The following GALNT2 variants were observed in gnomAD, a reference collection of about 807,000 sequenced individuals.
The protein encoded by GALNT2 is polypeptide N-acetylgalactosaminyltransferase 2.
Under a neutral mutation model 81.4 loss-of-function variants are expected in GALNT2, and 31 were observed. That is an observed-to-expected ratio of 0.38 (90% confidence interval 0.29 to 0.51). The LOEUF is 0.51. Ranked by LOEUF, GALNT2 falls within the 20% of genes least tolerant of loss-of-function variation. The pLI, the probability that GALNT2 is intolerant of heterozygous loss-of-function variation, is 0.87. For synonymous variants in GALNT2, 303 were observed against 287.4 expected (o/e 1.05, Z -0.55); for missense variants, 629 against 765.7 (o/e 0.82, Z 2.11).
chr1:230,274,349 G>A lies in GALNT2; in HGVS notation c.1441-96G>A, dbSNP rs756593160. The A allele has an allele frequency of 8.7e-5, 130 of 1,495,124 alleles. No homozygotes were observed. In the Middle Eastern group the frequency reaches 1.0e-3, roughly 11 times the overall value. 92.6% of individuals were successfully genotyped at this position (1,495,124 alleles called of 1,614,324 possible). ...GGGTTCTGAATCTAAGCTCCACCCC[G>A]TGACCCATTTCCTTTTTGAGCCCTC... On this transcript the variant is annotated intron_variant, in intron 14 of 15. Transcript: ENST00000366672.
At chr1:230,256,726 A>G (rs999906305) in intron 11 of GALNT2, among the ~76,000 whole-genome samples, 3 of 152,210 alleles carry the variant, frequency 2.0e-5, no homozygotes, top group South Asian at 2.1e-4. Flanking sequence ...ATTCTCTTAC[A>G]TGCTAAAGAT....
chr1:230,075,015 A>G (rs1454890969), intron 1 of GALNT2, among the ~76,000 whole-genome samples: 1 of 151,058 alleles, frequency 6.6e-6, no homozygotes, highest in East Asian at 1.9e-4. Context: ...CCTTCCTTGC[A>G]TTGGCAGTGC....
chr1:230,073,256 T>G (rs1026215040), intron 1 of GALNT2, among the ~76,000 whole-genome samples: 2 of 152,224 alleles, frequency 1.3e-5, no homozygotes, highest in Non-Finnish European at 2.9e-5. Context: ...ACCTTGGCCC[T>G]GTGCTTGATC....
intron 1 of GALNT2, among the ~76,000 whole-genome samples, chr1:230,152,295 C>T (rs1022968570): frequency 6.6e-5 from 10 of 152,164 alleles, no homozygotes; most frequent in African/African-American, 1.7e-4. Flanking sequence ...AATCCCCAGT[C>T]GGGCTTGGAA....
chr1:230,138,784 G>A (rs1183511989), intron 1 of GALNT2, among the ~76,000 whole-genome samples: 3 of 152,152 alleles, frequency 2.0e-5, no homozygotes, highest in South Asian at 2.1e-4. Flanking sequence ...TGATGGGAGC[G>A]TCTTTTAGCT....
At chr1:230,076,321 A>G (rs1382269600) in intron 1 of GALNT2, among the ~76,000 whole-genome samples, 1 of 152,216 alleles carries the variant, frequency 6.6e-6, no homozygotes, top group Non-Finnish European at 1.5e-5. Flanking sequence ...ACCATTGAAG[A>G]ACAGTACACA....
intron 1 of GALNT2, among the ~76,000 whole-genome samples, chr1:230,068,862 G>A (rs1429899438): frequency 1.3e-5 from 2 of 152,300 alleles, no homozygotes; most frequent in Admixed American, 1.3e-4. Context: ...GTATATGTAC[G>A]CGAAGACTTG....
At chr1:230,171,923 C>G (rs1347354603) in intron 1 of GALNT2, among the ~76,000 whole-genome samples, 2 of 152,158 alleles carry the variant, frequency 1.3e-5, no homozygotes, top group Non-Finnish European at 2.9e-5. Context: ...CCCTGCCCCC[C>G]ACCCCTGTCC....
chr1:230,265,698 C>T (rs1205473612), intron 14 of GALNT2, among the ~76,000 whole-genome samples: 1 of 152,226 alleles, frequency 6.6e-6, no homozygotes, highest in Non-Finnish European at 1.5e-5. Flanking sequence ...CCGCAAAGCA[C>T]CCATTCTGCC....
Position 230,275,550 on chromosome 1 carries a change from A to C in GALNT2, c.1560+986A>C, listed in dbSNP as rs1666275125. On this transcript the variant is annotated intron_variant, in intron 15 of 15. Coordinates refer to ENST00000366672, the MANE Select transcript of GALNT2 (RefSeq NM_004481.5). The surrounding 1 kb of genome is among the most constrained non-coding windows in gnomAD (Gnocchi z 5.5). ...CATGCCACATAGATATACATATATA[A>C]ACGCCACATATATATACATATAAAC... Among the ~76,000 whole-genome samples, 1 of 151,574 alleles carries C rather than the reference A, an allele frequency of 6.6e-6. No homozygotes were observed. The highest frequency in any genetic ancestry group is 2.4e-5 in the African/African-American group (1 of 41,356).
chr1:230,182,602 C>T (rs1663194724), intron 2 of GALNT2, among the ~76,000 whole-genome samples: 1 of 152,204 alleles, frequency 6.6e-6, no homozygotes, highest in African/African-American at 2.4e-5. Flanking sequence ...AGCACACAGT[C>T]TGATTTCTGT....
chr1:230,184,722 C>T (rs1572060519), intron 2 of GALNT2, among the ~76,000 whole-genome samples: 1 of 151,830 alleles, frequency 6.6e-6, no homozygotes, highest in African/African-American at 2.4e-5. Context: ...TTTTTGGAGC[C>T]TTTATACTAT....
chr1:230,148,275 G>T (rs970809904), intron 1 of GALNT2, among the ~76,000 whole-genome samples: 3 of 152,214 alleles, frequency 2.0e-5, no homozygotes, highest in Non-Finnish European at 2.9e-5. Context: ...GAGCCCTGTG[G>T]CACTGCGTTA....
At chr1:230,132,254 G>T (rs1477761578) in intron 1 of GALNT2, among the ~76,000 whole-genome samples, 2 of 152,162 alleles carry the variant, frequency 1.3e-5, no homozygotes, top group Non-Finnish European at 2.9e-5. Context: ...TTCTGATTTG[G>T]TTTTCACTGC....
rs1434347678 is a variant in GALNT2 at position 230,070,610 on chromosome 1, C to G, written c.126+3204C>G. On this transcript the variant is annotated intron_variant, in intron 1 of 15. Coordinates refer to ENST00000366672, the MANE Select transcript of GALNT2 (RefSeq NM_004481.5). This position sits in a 1 kb window ranked among gnomAD's most constrained non-coding sequence, Gnocchi z 4.7. Reference sequence around the variant, plus strand: ...GTCCACTTTGCACAGTAGCATCACCCTTATTCCCTGAGCTGGCACGAGTCC... The same window carrying G: ...GTCCACTTTGCACAGTAGCATCACCGTTATTCCCTGAGCTGGCACGAGTCC... Among the ~76,000 whole-genome samples, 1 of 152,018 alleles carries G rather than the reference C, an allele frequency of 6.6e-6. No homozygotes were observed.
At chr1:230,255,439 G>T in intron 11 of GALNT2, 95 bp downstream of exon 11, 1 of 1,486,352 alleles carries the variant, frequency 6.7e-7, no homozygotes, top group South Asian at 1.2e-5. Context: ...ATGTCCTTCA[G>T]TGGGTGTGGT....
chr1:230,119,240 T>C (rs1660938822), intron 1 of GALNT2, among the ~76,000 whole-genome samples: 1 of 152,204 alleles, frequency 6.6e-6, no homozygotes, highest in Non-Finnish European at 1.5e-5. Flanking sequence ...CTGCTTTTGG[T>C]CATTTCATTG....
intron 3 of GALNT2, among the ~76,000 whole-genome samples, chr1:230,230,447 C>A (rs1053622496): frequency 6.6e-6 from 1 of 152,188 alleles, no homozygotes; most frequent in African/African-American, 2.4e-5. Flanking sequence ...CAAATGCCTG[C>A]TCATAGACAC....
intron 11 of GALNT2, among the ~76,000 whole-genome samples, chr1:230,261,095 T>C (rs899602062): frequency 6.6e-6 from 1 of 151,794 alleles, no homozygotes; most frequent in Non-Finnish European, 1.5e-5. Flanking sequence ...TTTTTTTTTT[T>C]TTTTGCTATT....
Sources: gnomAD v4.1 joint callset for allele counts (sites outside exome capture counted in the v4.1 genomes callset) on GRCh38, gnomAD v4.1.1 for gene constraint, Gnocchi (gnomAD v3.1) non-coding constraint, MANE v1.5 for transcripts, NCBI Gene and HGNC (gene_info 2026-07-23, HGNC 2026-07-21) for gene names.